The following ZNF721 variants were observed in gnomAD, a reference collection of about 807,000 sequenced individuals.
ZNF721 encodes the protein zinc finger protein 721.
A neutral mutation model predicts 2.4 loss-of-function variants in ZNF721; 2 were observed. The observed-to-expected ratio is 0.82, with a 90% CI of 0.34 to 2.58. ZNF721 has a LOEUF of 2.58. Among genes scored for constraint, ZNF721 ranks in the 30% most tolerant of loss-of-function variants. The pLI, the probability that ZNF721 is intolerant of heterozygous loss-of-function variation, is 0.11. For missense variants in ZNF721, 1,187 were observed against 1,085.5 expected, an observed-to-expected ratio of 1.09 and a Z score of -1.31; for synonymous variants, 398 against 381.8, an observed-to-expected ratio of 1.04 and a Z score of -0.50.
intron 2 of ZNF721, chr4:453,449 T>C (rs1288861804): frequency 1.3e-5 from 2 of 152,250 alleles, no homozygotes; most frequent in Non-Finnish European, 2.9e-5. Context: ...CTGTTTTCTC[T>C]TGACAGACTA....
At chr4:455,132 C>A (rs1553865274) in intron 2 of ZNF721, among the ~76,000 whole-genome samples, 1 of 152,210 alleles carries the variant, frequency 6.6e-6, no homozygotes, top group African/African-American at 2.4e-5. Flanking sequence ...TCTCCCCTTC[C>A]CACTGCAATC....
intron 2 of ZNF721, among the ~76,000 whole-genome samples, chr4:468,932 A>G (rs1239740495): frequency 1.3e-5 from 2 of 152,210 alleles, no homozygotes; most frequent in Non-Finnish European, 2.9e-5. Flanking sequence ...GGCAAGAAAA[A>G]GGAGAACAAA....
chr4:442,345 T>C lies in ZNF721; in HGVS notation c.2122A>G (p.Arg708Gly), dbSNP rs377422679. The C allele has an allele frequency of 6.0e-5, 97 of 1,613,528 alleles. No individual in the cohort carries two copies. The highest frequency in any genetic ancestry group is 4.9e-4 in the Middle Eastern group (3 of 6,080). The change falls in exon 3 of 3, where the codon AGG (arginine) becomes GGG (glycine). Residue 708 changes from arginine (R) to glycine (G), a missense_variant. Transcript: ENST00000511833. ...KCEECGKAFS[R>G]SRNLTTHRRV... ...CTATGTGTAGTAAGGTTTCTTGACC[T>C]ACTAAAGGCTTTGCCACACTCTTCA...
At chr4:472,783 T>C in intron 1 of ZNF721, 82 bp from the exon 2 acceptor site, 10 of 1,563,060 alleles carry the variant, frequency 6.4e-6, no homozygotes, top group Non-Finnish European at 7.0e-6. Context: ...TTCTGACATG[T>C]GACTGACTGG....
chr4:493,395 T>G (rs1716074079), intron 1 of ZNF721, among the ~76,000 whole-genome samples: 1 of 152,194 alleles, frequency 6.6e-6, no homozygotes, highest in African/African-American at 2.4e-5. Context: ...TATGGTAATC[T>G]AGGCCAGATG....
intron 1 of ZNF721, among the ~76,000 whole-genome samples, chr4:489,413 G>A (rs12649752): frequency 0.18 from 27,438 of 152,144 alleles, 3,095 homozygotes; most frequent in Middle Eastern, 0.26. Flanking sequence ...CTCACTCTCT[G>A]GTGTCTGTAT....
chr4:469,464 T>G (rs1715361287), intron 2 of ZNF721, among the ~76,000 whole-genome samples: 1 of 152,100 alleles, frequency 6.6e-6, no homozygotes, highest in Non-Finnish European at 1.5e-5. Context: ...CAAACACATA[T>G]TTCATTAGGA....
intron 1 of ZNF721, among the ~76,000 whole-genome samples, chr4:476,309 C>T (rs1468075394): frequency 6.6e-6 from 1 of 152,222 alleles, no homozygotes; most frequent in African/African-American, 2.4e-5. Flanking sequence ...CTGATAGCAG[C>T]AACTGTATTG....
At chr4:474,858 AGAGT>A (rs1553868398) in intron 1 of ZNF721, among the ~76,000 whole-genome samples, 2 of 152,192 alleles carry the variant, frequency 1.3e-5, no homozygotes, top group Non-Finnish European at 2.9e-5. Context: ...CCTGGGCGAC[AGAGT>A]GAGACTCCGT....
At chr4:445,672 CAT>C (rs1248529250) in intron 2 of ZNF721, among the ~76,000 whole-genome samples, 3 of 151,210 alleles carry the variant, frequency 2.0e-5, no homozygotes, top group Non-Finnish European at 3.0e-5. Flanking sequence ...ACATTAAAAA[CAT>C]AAAAAAAGGA....
intron 2 of ZNF721, among the ~76,000 whole-genome samples, chr4:461,405 C>T (rs1017652376): frequency 6.6e-6 from 1 of 152,134 alleles, no homozygotes; most frequent in Non-Finnish European, 1.5e-5. Flanking sequence ...ATTCAACACC[C>T]CTTCATGCTA....
At chr4:482,573 T>C (rs529853117) in intron 1 of ZNF721, among the ~76,000 whole-genome samples, 34 of 152,038 alleles carry the variant, frequency 2.2e-4, no homozygotes, top group African/African-American at 8.0e-4. Flanking sequence ...CTCGGCTCAC[T>C]GCAACCTCTG....
In ZNF721 at chr4:486,749, T is replaced by A. The variant is rs563223083; in HGVS notation, c.-94+12307A>T. Among the ~76,000 whole-genome samples, 21 of 152,300 alleles carry A rather than the reference T, an allele frequency of 1.4e-4. 1 individual carries two copies. The highest frequency in any genetic ancestry group is 3.3e-4 in the Admixed American group (5 of 15,298). On this transcript the variant is annotated intron_variant, in intron 1 of 2. Transcript: ENST00000511833. ...AGTGCATTATAGGTGTTTTCAAATTTCTCCTATGATAAATTAAAAATGTAA... is the reference window on the plus strand; with the variant it reads ...AGTGCATTATAGGTGTTTTCAAATTACTCCTATGATAAATTAAAAATGTAA...
intron 2 of ZNF721, among the ~76,000 whole-genome samples, chr4:446,218 T>C (rs1560226547): frequency 6.6e-6 from 1 of 152,134 alleles, no homozygotes; most frequent in Non-Finnish European, 1.5e-5. Context: ...TGTACCACTA[T>C]CCTAATAGTG....
intron 1 of ZNF721, among the ~76,000 whole-genome samples, chr4:490,173 G>C (rs1369023241): frequency 4.1e-5 from 6 of 147,276 alleles, no homozygotes; most frequent in Non-Finnish European, 9.0e-5. Context: ...TTTGGATACA[G>C]TAAGTTAAAA....
chr4:494,775 T>C (rs1373007775), intron 1 of ZNF721, among the ~76,000 whole-genome samples: 1 of 152,176 alleles, frequency 6.6e-6, no homozygotes, highest in Non-Finnish European at 1.5e-5. Context: ...CCAGTTTTAT[T>C]TAGATAGGGA....
Position 443,866 on chromosome 4 carries a change from C to A in ZNF721, c.601G>T (p.Ala201Ser). The A allele has an allele frequency of 6.2e-7, 1 of 1,613,966 alleles. No individual in the cohort carries two copies. ...KAYTGEDRDRAFGWSTNLNEY... is the reference protein window; with the variant it reads ...KAYTGEDRDRSFGWSTNLNEY... ...TTCAGGTTTGTGGACCATCCAAAGG[C>A]TCTGTCACGATCTTCACCTGTGTAA... The change falls in exon 3 of 3, where the codon GCC (alanine) becomes TCC (serine). Residue 201 changes from alanine to serine, a missense_variant. Coordinates refer to ENST00000511833, the MANE Select transcript of ZNF721 (RefSeq NM_133474.4).
At chr4:444,979 C>CTTTT (rs569762644) in intron 2 of ZNF721, among the ~76,000 whole-genome samples, 3 of 108,736 alleles carry the variant, frequency 2.8e-5, no homozygotes, top group African/African-American at 8.1e-5. Flanking sequence ...TGATGAGAGA[C>CTTTT]TTTTTTTTTT....
At chr4:465,520 G>A (rs566069792) in intron 2 of ZNF721, among the ~76,000 whole-genome samples, 13 of 150,562 alleles carry the variant, frequency 8.6e-5, no homozygotes, top group Non-Finnish European at 1.8e-4. Context: ...CAAGCTCCGC[G>A]CCCTGGGTTC....
Sources: allele counts gnomAD v4.1 joint callset (sites outside exome capture counted in the v4.1 genomes callset), GRCh38; gene constraint gnomAD v4.1.1; transcripts MANE v1.5; gene names NCBI Gene and HGNC (gene_info 2026-07-23, HGNC 2026-07-21).